Variants in AGO2 observed in about 807,000 individuals in gnomAD.
AGO2 encodes the protein protein argonaute-2.
In AGO2, 5 loss-of-function variants were observed where a neutral mutation model predicts 102.3. That is an observed-to-expected ratio of 0.05 (90% CI 0.03 to 0.10). The LOEUF (loss-of-function observed/expected upper bound fraction) is 0.10, where lower values mean the gene tolerates loss of function less well. Among genes scored for constraint, AGO2 ranks in the 10% least tolerant of loss-of-function variants. AGO2 has a pLI of 1.00. For missense variants in AGO2, 541 were observed against 1,183.7 expected, an observed-to-expected ratio of 0.46 and a Z score of 7.97; for synonymous variants, 449 against 473.1, an observed-to-expected ratio of 0.95 and a Z score of 0.66.
chr8:140,586,385 C>G (rs1036837425), intron 1 of AGO2, among the ~76,000 whole-genome samples: 3 of 152,156 alleles, frequency 2.0e-5, no homozygotes, highest in Admixed American at 6.5e-5. Flanking sequence ...CCCAGCTACT[C>G]AGGAGGCTGA....
chr8:140,558,835 A>C (rs917147887), intron 6 of AGO2, among the ~76,000 whole-genome samples: 1 of 152,188 alleles, frequency 6.6e-6, no homozygotes, highest in Admixed American at 6.5e-5. Flanking sequence ...TGCGCCCCCC[A>C]TGGGTCATCG....
chr8:140,604,799 C>A (rs987305246), intron 1 of AGO2, among the ~76,000 whole-genome samples: 1 of 150,650 alleles, frequency 6.6e-6, no homozygotes, highest in African/African-American at 2.4e-5. Context: ...TGCACTCCAG[C>A]CTGGGCGACA....
intron 3 of AGO2, among the ~76,000 whole-genome samples, chr8:140,568,623 T>C (rs1266534446): frequency 1.3e-5 from 2 of 152,156 alleles, no homozygotes; most frequent in African/African-American, 4.8e-5. Flanking sequence ...GTGCAGTTCA[T>C]GTCTTGTTGA....
At chr8:140,635,133 C>CGCCTCG (rs1161006410) in intron 1 of AGO2, among the ~76,000 whole-genome samples, 2 of 146,710 alleles carry the variant, frequency 1.4e-5, no homozygotes, top group Non-Finnish European at 3.0e-5. Context: ...ACGCGGCGGC[C>CGCCTCG]GCCTCGGCCC....
At chr8:140,565,438 C>CA (rs34129157) in intron 3 of AGO2, among the ~76,000 whole-genome samples, 25,088 of 86,106 alleles carry the variant, frequency 0.29, 2,914 homozygotes, top group East Asian at 0.44. Flanking sequence ...GACTCTGTCT[C>CA]AAAAAAAAAA....
At chr8:140,536,648 T>C (rs879655497) in intron 16 of AGO2, among the ~76,000 whole-genome samples, 1 of 152,134 alleles carries the variant, frequency 6.6e-6, no homozygotes, top group Admixed American at 6.5e-5. Flanking sequence ...TCAAAGTAGG[T>C]TTGGATTTTG....
In AGO2 at chr8:140,522,236, G is replaced by A. The variant is rs1162992157; in HGVS notation, c.*9808C>T. 1.3e-5 allele frequency: 2 copies of A among 152,124 alleles called. No individual in the cohort carries two copies. The highest frequency in any genetic ancestry group is 4.8e-5 in the African/African-American group (2 of 41,428). 9.4% of individuals were successfully genotyped at this position (152,124 alleles called of 1,614,324 possible). ...CGGAAATTACAATTTCAAGTTTCAT[G>A]TGGAGTTGTATCTCACTGTTTGGTT... On this transcript the variant is annotated 3_prime_UTR_variant, in exon 19 of 19. Coordinates refer to ENST00000220592, the MANE Select transcript of AGO2 (RefSeq NM_012154.5).
chr8:140,531,853 C>T lies in AGO2; in HGVS notation c.*191G>A, dbSNP rs2072600898. The stretch of plus-strand genomic sequence containing the variant: ...TTTCCTATGACATTGGGTTCTCATA[C>T]AGGTCTGCAGTTCAAAATCCAAGTT... On this transcript the variant is annotated 3_prime_UTR_variant, in exon 19 of 19. Transcript: ENST00000220592. 4 of 560,432 alleles carry T rather than the reference C, an allele frequency of 7.1e-6. No individual in the cohort carries two copies. Among genetic ancestry groups the T allele is most frequent in the African/African-American group, 3.8e-5 (2 of 53,188 alleles). The allele number at this position is 560,432 out of a possible 1,614,324, so 34.7% of individuals were successfully genotyped here.
At chr8:140,535,014 C>G (rs932303143) in intron 17 of AGO2, among the ~76,000 whole-genome samples, 2 of 152,224 alleles carry the variant, frequency 1.3e-5, no homozygotes, top group Non-Finnish European at 1.5e-5. Flanking sequence ...TGGAGCCTGG[C>G]CCTGGCCAGT....
rs2072532563 is a variant in AGO2 at position 140,527,965 on chromosome 8, G to GC, written c.*4078dup. 6.6e-6 allele frequency: 1 copy of GC among 152,258 alleles called. No homozygotes were observed. The highest frequency in any genetic ancestry group is 1.5e-5 in the Non-Finnish European group (1 of 68,066). The allele number at this position is 152,258 out of a possible 1,614,324, so 9.4% of individuals were successfully genotyped here. ...CAGAGGCGCAGGGAACAAGCCACGGGCCACCCCAGCCCCAAAGGCCTCCTG... is the reference window on the plus strand; with the variant it reads ...CAGAGGCGCAGGGAACAAGCCACGGGCCCACCCCAGCCCCAAAGGCCTCCTG... On this transcript the variant is annotated 3_prime_UTR_variant, in exon 19 of 19. Transcript: ENST00000220592. This position sits in a 1 kb window ranked among gnomAD's most constrained non-coding sequence, Gnocchi z 6.0.
chr8:140,619,943 C>T lies in AGO2; in HGVS notation c.22+15542G>A, dbSNP rs563341516. Among the ~76,000 whole-genome samples, 4 of 152,234 alleles carry T rather than the reference C, an allele frequency of 2.6e-5. No individual in the cohort carries two copies. The South Asian group carries it at 8.3e-4, about 32-fold the overall frequency. ...GTACACACGCATGCTAGTGTGGACG[C>T]GTGTGTCTCCTGCCTGCATCCAGAC... On this transcript the variant is annotated intron_variant, in intron 1 of 18. Coordinates refer to ENST00000220592, the MANE Select transcript of AGO2 (RefSeq NM_012154.5).
intron 1 of AGO2, among the ~76,000 whole-genome samples, chr8:140,634,425 G>A (rs2074377194): frequency 6.6e-6 from 1 of 152,182 alleles, no homozygotes; most frequent in South Asian, 2.1e-4. Flanking sequence ...TGCGCCGCCT[G>A]CGGCCCGGCT....
chr8:140,624,375 C>T (rs939225090), intron 1 of AGO2, among the ~76,000 whole-genome samples: 60 of 152,342 alleles, frequency 3.9e-4, no homozygotes, highest in Middle Eastern at 3.4e-3. Flanking sequence ...ACAGAGCCGG[C>T]GTGCGTGGCA....
chr8:140,632,701 C>A (rs1467233477), intron 1 of AGO2, among the ~76,000 whole-genome samples: 5 of 152,082 alleles, frequency 3.3e-5, no homozygotes, highest in Non-Finnish European at 5.9e-5. Flanking sequence ...GAGAATCCAC[C>A]CATCTTAAAC....
At chr8:140,536,473 T>C (rs71514682) in intron 16 of AGO2, among the ~76,000 whole-genome samples, 1 of 151,984 alleles carries the variant, frequency 6.6e-6, no homozygotes, top group East Asian at 1.9e-4. Flanking sequence ...ACTACAGGCA[T>C]GTGCCACCAC....
intron 1 of AGO2, among the ~76,000 whole-genome samples, chr8:140,594,059 C>T (rs1326366923): frequency 2.0e-5 from 3 of 152,156 alleles, no homozygotes; most frequent in African/African-American, 7.2e-5. Flanking sequence ...TCTACCTCAA[C>T]GCACGATGCC....
intron 3 of AGO2, among the ~76,000 whole-genome samples, chr8:140,564,753 G>T (rs2073253172): frequency 6.6e-6 from 1 of 151,844 alleles, no homozygotes; most frequent in South Asian, 2.1e-4. Context: ...GACCAGCCTG[G>T]CCAATGTGGC....
chr8:140,623,963 C>T (rs905157549), intron 1 of AGO2, among the ~76,000 whole-genome samples: 2 of 151,854 alleles, frequency 1.3e-5, no homozygotes, highest in African/African-American at 4.8e-5. Flanking sequence ...ACAAGGGAAC[C>T]AAGATGATCC....
chr8:140,534,624 A>G (rs2072663275), intron 17 of AGO2, among the ~76,000 whole-genome samples: 1 of 152,254 alleles, frequency 6.6e-6, no homozygotes, highest in Non-Finnish European at 1.5e-5. Flanking sequence ...GCATGTGAAC[A>G]ATGTGACATT....
Sources: gnomAD v4.1 joint callset for allele counts (sites outside exome capture counted in the v4.1 genomes callset) on GRCh38, gnomAD v4.1.1 for gene constraint, Gnocchi (gnomAD v3.1) non-coding constraint, MANE v1.5 for transcripts, NCBI Gene and HGNC (gene_info 2026-07-23, HGNC 2026-07-21) for gene names.